The following SPMIP2 variants were observed in gnomAD, a reference collection of about 807,000 sequenced individuals.
SPMIP2 encodes protein SPMIP2.
chr4:159,048,403 A>G, the SPMIP2 span, among the ~76,000 whole-genome samples: 1 of 152,230 alleles, frequency 6.6e-6, no homozygotes, highest in African/African-American at 2.4e-5. Context: ...CAAAATGTTC[A>G]GTTCCCTGGA....
chr4:158,902,339 C>T, the SPMIP2 span, among the ~76,000 whole-genome samples: 5 of 152,170 alleles, frequency 3.3e-5, no homozygotes, highest in East Asian at 9.6e-4. Flanking sequence ...AAGATTGCTG[C>T]CTGTTCCTTC....
chr4:159,076,111 G>C, the SPMIP2 span, among the ~76,000 whole-genome samples: 1 of 152,156 alleles, frequency 6.6e-6, no homozygotes, highest in African/African-American at 2.4e-5. Context: ...CAACAACTGT[G>C]AGTCAGACAC....
the SPMIP2 span, among the ~76,000 whole-genome samples, chr4:158,919,887 A>G: frequency 6.6e-6 from 1 of 152,172 alleles, no homozygotes; most frequent in African/African-American, 2.4e-5. Flanking sequence ...GGCACAAAAG[A>G]TGTTCCAGGG....
At chr4:159,026,317 C>T in the SPMIP2 span, 53 of 608,156 alleles carry the variant, frequency 8.7e-5, no homozygotes, top group Middle Eastern at 1.8e-3. Context: ...ACAGTTTTCT[C>T]GTACCCTGGG....
chr4:158,960,551 C>T, the SPMIP2 span, among the ~76,000 whole-genome samples: 1 of 152,110 alleles, frequency 6.6e-6, no homozygotes, highest in Non-Finnish European at 1.5e-5. Context: ...ATAAACAAGA[C>T]CCTATGCGCT....
chr4:158,899,137 C>T, the SPMIP2 span, among the ~76,000 whole-genome samples: 16 of 152,046 alleles, frequency 1.1e-4, no homozygotes, highest in South Asian at 1.0e-3. Context: ...TTTGTTTATG[C>T]GATGGATTAC....
At chr4:159,073,345 G>A in the SPMIP2 span, among the ~76,000 whole-genome samples, 31 of 151,954 alleles carry the variant, frequency 2.0e-4, no homozygotes, top group African/African-American at 7.3e-4. Context: ...GTAGGAATGG[G>A]GTTTCACCAT....
the SPMIP2 span, among the ~76,000 whole-genome samples, chr4:159,082,449 CTG>C: frequency 0.021 from 2,349 of 111,534 alleles, 43 homozygotes; most frequent in African/African-American, 0.066. Flanking sequence ...CCACTTTTCT[CTG>C]TGTGTGTGTG....
At chr4:158,950,099 G>C in the SPMIP2 span, among the ~76,000 whole-genome samples, 21,122 of 152,154 alleles carry the variant, frequency 0.14, 3,012 homozygotes, top group African/African-American at 0.37. Context: ...TGTTCCGTAA[G>C]TGTTCCTTAA....
the SPMIP2 span, among the ~76,000 whole-genome samples, chr4:158,972,222 C>T: frequency 6.6e-6 from 1 of 152,276 alleles, no homozygotes; most frequent in African/African-American, 2.4e-5. Flanking sequence ...ATTAGCCGGG[C>T]CTGATGGCAT....
chr4:158,946,468 A>G, the SPMIP2 span, among the ~76,000 whole-genome samples: 1 of 152,002 alleles, frequency 6.6e-6, no homozygotes, highest in Non-Finnish European at 1.5e-5. Flanking sequence ...CCCCCATGCT[A>G]TTCTTGTGAT....
the SPMIP2 span, chr4:158,973,242 A>G: frequency 8.7e-6 from 14 of 1,613,886 alleles, no homozygotes; most frequent in East Asian, 2.2e-4. Flanking sequence ...TTCTAACGCC[A>G]GATGCTGTTC....
chr4:159,009,652 T>G, the SPMIP2 span, among the ~76,000 whole-genome samples: 4 of 152,276 alleles, frequency 2.6e-5, no homozygotes, highest in South Asian at 8.3e-4. Flanking sequence ...CCGTTGCTAT[T>G]GAGAGGCTCT....
At chr4:159,007,878 T>TG in the SPMIP2 span, 5 of 495,392 alleles carry the variant, frequency 1.0e-5, no homozygotes, top group South Asian at 3.0e-5. Flanking sequence ...ATGTTGTGTG[T>TG]GGGAAAAAAA....
the SPMIP2 span, among the ~76,000 whole-genome samples, chr4:159,017,275 A>G: frequency 2.4e-3 from 362 of 152,184 alleles, no homozygotes; most frequent in Non-Finnish European, 4.1e-3. Flanking sequence ...GTTATCCCGA[A>G]TGACTCCCTG....
At chr4:159,047,318 T>C in the SPMIP2 span, among the ~76,000 whole-genome samples, 36 of 152,312 alleles carry the variant, frequency 2.4e-4, no homozygotes, top group African/African-American at 8.2e-4. Flanking sequence ...CATACATATA[T>C]ACATTTATTT....
At chr4:158,982,754 T>G in the SPMIP2 span, among the ~76,000 whole-genome samples, 25 of 152,158 alleles carry the variant, frequency 1.6e-4, no homozygotes, top group South Asian at 5.2e-3. Context: ...AGAGTAAATG[T>G]CCACAGGAGA....
At chr4:158,968,733 G>A in the SPMIP2 span, among the ~76,000 whole-genome samples, 1 of 152,288 alleles carries the variant, frequency 6.6e-6, no homozygotes, top group Non-Finnish European at 1.5e-5. Flanking sequence ...ACAATCAATT[G>A]TAGCTCTTTT....
the SPMIP2 span, among the ~76,000 whole-genome samples, chr4:159,032,092 C>T: frequency 6.6e-6 from 1 of 151,996 alleles, no homozygotes; most frequent in African/African-American, 2.4e-5. Context: ...CATGGTGGCT[C>T]ACGTCTGTAA....
Sources: gnomAD v4.1 joint callset for allele counts (sites outside exome capture counted in the v4.1 genomes callset) on GRCh38, gnomAD v4.1.1 for gene constraint, MANE v1.5 for transcripts, NCBI Gene and HGNC (gene_info 2026-07-23, HGNC 2026-07-21) for gene names.